The following LRRC7 variants were observed in gnomAD, a reference collection of about 807,000 sequenced individuals.
The protein encoded by LRRC7 is leucine rich repeat containing 7.
In LRRC7, 23 loss-of-function variants were observed where a neutral mutation model predicts 175.7. The observed-to-expected ratio is 0.13, with a 90% CI of 0.09 to 0.19. The LOEUF is 0.19. Ranked by LOEUF, LRRC7 falls within the 10% of genes least tolerant of loss-of-function variation. The pLI is 1.00. For synonymous variants in LRRC7, 685 were observed against 680.9 expected (o/e 1.01, Z -0.09); for missense variants, 1,354 against 1,904.7 (o/e 0.71, Z 5.38).
intron 2 of LRRC7, among the ~76,000 whole-genome samples, chr1:69,679,989 A>G (rs1391247306): frequency 1.3e-5 from 2 of 152,132 alleles, no homozygotes; most frequent in Non-Finnish European, 2.9e-5. Context: ...CAAAGGAAGA[A>G]TTGAGTAGTT....
intron 1 of LRRC7, among the ~76,000 whole-genome samples, chr1:69,657,139 A>G (rs746174765): frequency 3.8e-4 from 58 of 151,316 alleles, no homozygotes; most frequent in Admixed American, 2.0e-3. Flanking sequence ...TGTGTGTGTT[A>G]CTGGTTACTG....
chr1:69,700,670 G>A (rs974554290), intron 2 of LRRC7, among the ~76,000 whole-genome samples: 2 of 152,168 alleles, frequency 1.3e-5, no homozygotes, highest in Non-Finnish European at 2.9e-5. Context: ...CAAGCCAAGG[G>A]GGAAGAGAAG....
intron 18 of LRRC7, 57 bp from the exon 19 acceptor site, chr1:70,036,064 T>C (rs1406027197): frequency 1.5e-6 from 2 of 1,351,362 alleles, no homozygotes; most frequent in Non-Finnish European, 2.0e-6. Context: ...ACTGCCACTT[T>C]GGTTAACCAT....
In LRRC7 at chr1:70,053,087, A is replaced by C; in HGVS notation, c.4172A>C (p.Gln1391Pro). The change falls in exon 23 of 27, where the codon CAA becomes CCA. Residue 1391 changes from glutamine to proline, a missense_variant. Physicochemically the swap from Gln to Pro is moderately conservative, Grantham distance 76. Transcript: ENST00000651989. ...NGQEDVSPSG[Q>P]WNPYPLGRRD... ...CAAGAAGATGTATCTCCTAGTGGCC[A>C]ATGGAATCCTTATCCACTTGGGAGG... 6.2e-7 allele frequency: 1 copy of C among 1,611,858 alleles called. No homozygotes were observed.
At chr1:69,989,961 G>T (rs903015294) in intron 10 of LRRC7, among the ~76,000 whole-genome samples, 6 of 152,116 alleles carry the variant, frequency 3.9e-5, no homozygotes. Flanking sequence ...CTTCTGGATA[G>T]CGGAGTAATA....
intron 15 of LRRC7, 39 bp from the exon 16 acceptor site, chr1:70,020,966 T>G: frequency 6.4e-7 from 1 of 1,560,746 alleles, no homozygotes; most frequent in Non-Finnish European, 8.7e-7. Flanking sequence ...GTAAAATTGT[T>G]TTTTAAAAAA....
chr1:69,577,257 T>C (rs536836607), intron 1 of LRRC7, among the ~76,000 whole-genome samples: 3 of 152,184 alleles, frequency 2.0e-5, no homozygotes, highest in African/African-American at 7.2e-5. Flanking sequence ...TAAAGGAATA[T>C]GTTGTTAATC....
At chr1:69,875,531 C>T (rs1685963368) in intron 7 of LRRC7, among the ~76,000 whole-genome samples, 1 of 151,422 alleles carries the variant, frequency 6.6e-6, no homozygotes, top group Admixed American at 6.6e-5. Context: ...TTTATTTTGC[C>T]CACTGTCCAT....
At chr1:69,789,922 G>A (rs958945694) in intron 3 of LRRC7, among the ~76,000 whole-genome samples, 6 of 151,886 alleles carry the variant, frequency 4.0e-5, no homozygotes, top group Admixed American at 1.3e-4. Context: ...GACAAACAAC[G>A]TCTTACATTT....
At chr1:70,008,638 C>G (rs1021337220) in intron 11 of LRRC7, among the ~76,000 whole-genome samples, 1 of 152,136 alleles carries the variant, frequency 6.6e-6, no homozygotes, top group Non-Finnish European at 1.5e-5. Flanking sequence ...GGATTAATGA[C>G]GTTTTCCTTG....
chr1:69,737,287 G>A (rs997615753), intron 2 of LRRC7, among the ~76,000 whole-genome samples: 1 of 152,016 alleles, frequency 6.6e-6, no homozygotes, highest in African/African-American at 2.4e-5. Flanking sequence ...CTGTTCTCGT[G>A]ATAGTAAGTC....
chr1:69,871,741 C>A (rs998220030), intron 7 of LRRC7, among the ~76,000 whole-genome samples: 1 of 151,756 alleles, frequency 6.6e-6, no homozygotes, highest in African/African-American at 2.4e-5. Context: ...CACATAAAAC[C>A]CAACTTATAG....
intron 7 of LRRC7, among the ~76,000 whole-genome samples, chr1:69,894,517 G>A (rs189063825): frequency 1.1e-3 from 170 of 152,208 alleles, no homozygotes; most frequent in Non-Finnish European, 2.0e-3. Context: ...TTTTATTGAA[G>A]TACAATTGCC....
intron 4 of LRRC7, among the ~76,000 whole-genome samples, chr1:69,802,382 T>C (rs528027230): frequency 6.6e-6 from 1 of 151,582 alleles, no homozygotes; most frequent in African/African-American, 2.4e-5. Context: ...GTTTGTTTTA[T>C]AAATCTGGGC....
chr1:70,097,703 T>C (rs1207234049), intron 25 of LRRC7, among the ~76,000 whole-genome samples: 7 of 150,742 alleles, frequency 4.6e-5, no homozygotes. Flanking sequence ...TGAGTGAGAA[T>C]ATGCGGTGTT....
intron 3 of LRRC7, among the ~76,000 whole-genome samples, chr1:69,785,424 G>GT (rs1194500104): frequency 6.6e-6 from 1 of 152,042 alleles, no homozygotes; most frequent in African/African-American, 2.4e-5. Context: ...GAGATTGCTT[G>GT]TTTTTAATTT....
intron 7 of LRRC7, among the ~76,000 whole-genome samples, chr1:69,870,852 AC>A (rs1436127962): frequency 1.3e-5 from 2 of 152,120 alleles, no homozygotes; most frequent in Non-Finnish European, 2.9e-5. Context: ...CTTTTGAAAC[AC>A]TTTAACATAT....
At chr1:70,108,964 TTTG>T (rs1023014115) in intron 26 of LRRC7, among the ~76,000 whole-genome samples, 6 of 152,170 alleles carry the variant, frequency 3.9e-5, no homozygotes, top group African/African-American at 7.2e-5. Flanking sequence ...TTTTGGTTTT[TTTG>T]TTGTTGTTGT....
At chr1:69,874,142 T>C (rs1039895494) in intron 7 of LRRC7, 3 of 152,162 alleles carry the variant, frequency 2.0e-5, no homozygotes, top group African/African-American at 7.2e-5. Flanking sequence ...TCTTATGTAA[T>C]TTAATGTGGA....
Sources: allele counts gnomAD v4.1 joint callset (sites outside exome capture counted in the v4.1 genomes callset), GRCh38; gene constraint gnomAD v4.1.1; transcripts MANE v1.5; gene names NCBI Gene and HGNC (gene_info 2026-07-23, HGNC 2026-07-21).